Variants in NALF1 observed in about 807,000 individuals in gnomAD.
NALF1 encodes NALCN channel auxiliary factor 1.
Under a neutral mutation model 48.4 loss-of-function variants are expected in NALF1, and 3 were observed. The observed-to-expected ratio is 0.06, with a 90% CI of 0.03 to 0.16. NALF1 has a LOEUF of 0.16. Ranked by LOEUF, NALF1 falls within the 10% of genes least tolerant of loss-of-function variation. NALF1 has a pLI of 1.00. For missense variants in NALF1, 526 were observed against 571.5 expected (o/e 0.92, Z 0.81); for synonymous variants, 262 against 245.7 (o/e 1.07, Z -0.62).
chr13:107,675,836 T>C (rs1164179077), intron 1 of NALF1, among the ~76,000 whole-genome samples: 2 of 152,210 alleles, frequency 1.3e-5, no homozygotes, highest in Non-Finnish European at 2.9e-5. Context: ...ATGTCACTCA[T>C]ACATGGGGAT....
At chr13:107,820,424 G>A (rs1879331290) in intron 1 of NALF1, among the ~76,000 whole-genome samples, 1 of 152,082 alleles carries the variant, frequency 6.6e-6, no homozygotes, top group Non-Finnish European at 1.5e-5. Flanking sequence ...ATTTTCTTAG[G>A]ATGAAGTACC....
intron 1 of NALF1, among the ~76,000 whole-genome samples, chr13:107,514,220 T>A (rs1382051603): frequency 6.6e-6 from 1 of 152,232 alleles, no homozygotes; most frequent in African/African-American, 2.4e-5. Context: ...TAACCTTTTA[T>A]TTTCCTCTTC....
rs532792407 is a variant in NALF1, at chr13:107,589,108, A to C, written c.915+276574T>G. Among the ~76,000 whole-genome samples, 242 of 152,190 alleles carry C rather than the reference A, an allele frequency of 1.6e-3. 1 individual carries two copies. Among genetic ancestry groups the C allele is most frequent in the African/African-American group, 5.5e-3 (228 of 41,552 alleles). ...TCCTTATTTTTGAGGAGTAGCGTAT[A>C]CAATGAATTCTCAAGAAGTCAAGAA... On this transcript the variant is annotated intron_variant, in intron 1 of 2. Coordinates refer to ENST00000375915, the MANE Select transcript of NALF1 (RefSeq NM_001080396.3).
intron 1 of NALF1, among the ~76,000 whole-genome samples, chr13:107,571,969 G>A (rs1422049633): frequency 1.3e-5 from 2 of 152,112 alleles, no homozygotes; most frequent in African/African-American, 4.8e-5. Context: ...ATTGAGAAAC[G>A]TGTGTGTAGC....
In NALF1 at chr13:107,765,026, C is replaced by T. The variant is rs572889626; in HGVS notation, c.915+100656G>A. On this transcript the variant is annotated intron_variant, in intron 1 of 2. Coordinates refer to ENST00000375915, the MANE Select transcript of NALF1 (RefSeq NM_001080396.3). ...TTACAGCATCCTTGCTAAGTCCTCT[C>T]TAAAACAAGAGCTGCTCCTCACCCA... 6.6e-5 allele frequency among the ~76,000 whole-genome samples: 10 copies of T among 152,292 alleles called. No individual in the cohort carries two copies. In the East Asian group the frequency reaches 1.7e-3, roughly 26 times the overall value.
chr13:107,381,557 G>A (rs548252730), intron 1 of NALF1, among the ~76,000 whole-genome samples: 5 of 151,574 alleles, frequency 3.3e-5, no homozygotes, highest in East Asian at 1.9e-4. Flanking sequence ...CCTACGCACC[G>A]CCCCACCACC....
At chr13:107,741,220 C>G (rs1448183743) in intron 1 of NALF1, among the ~76,000 whole-genome samples, 1 of 152,178 alleles carries the variant, frequency 6.6e-6, no homozygotes, top group Non-Finnish European at 1.5e-5. Context: ...TAATTGGATT[C>G]TGGAATTCCA....
At position 107,556,949 on chromosome 13, in the gene NALF1, G is replaced by A. The variant is rs1056072467; in HGVS notation, c.915+308733C>T. 7.2e-5 allele frequency among the ~76,000 whole-genome samples: 11 copies of A among 152,154 alleles called. 1 individual carries two copies. The stretch of plus-strand genomic sequence containing the variant: ...AATTAATCTCCTAAGAGATGGAAGA[G>A]AAGCAAGTGTATTCAATACTACACA... On this transcript the variant is annotated intron_variant, in intron 1 of 2. Coordinates refer to ENST00000375915, the MANE Select transcript of NALF1 (RefSeq NM_001080396.3).
At chr13:107,783,315 G>A (rs1877975181) in intron 1 of NALF1, among the ~76,000 whole-genome samples, 1 of 149,898 alleles carries the variant, frequency 6.7e-6, no homozygotes, top group East Asian at 2.0e-4. Flanking sequence ...ACCCCTACTG[G>A]GAAGTGAGGA....
chr13:107,237,844 A>G (rs1327275298), intron 1 of NALF1, among the ~76,000 whole-genome samples: 1 of 152,178 alleles, frequency 6.6e-6, no homozygotes, highest in Non-Finnish European at 1.5e-5. Flanking sequence ...CAGTGAGTCA[A>G]TTGGACACAT....
chr13:107,284,783 G>A (rs9558994), intron 1 of NALF1, among the ~76,000 whole-genome samples: 32,806 of 152,146 alleles, frequency 0.22, 4,359 homozygotes, highest in Non-Finnish European at 0.29. Context: ...AGAGCATGAC[G>A]GCAGCTGCCT....
intron 1 of NALF1, among the ~76,000 whole-genome samples, chr13:107,535,733 G>C (rs758614474): frequency 2.0e-5 from 3 of 152,090 alleles, no homozygotes; most frequent in Non-Finnish European, 4.4e-5. Flanking sequence ...CTACTTTAAA[G>C]TTTATATGGA....
chr13:107,629,607 T>C (rs1879777191), intron 1 of NALF1, among the ~76,000 whole-genome samples: 1 of 152,174 alleles, frequency 6.6e-6, no homozygotes, highest in African/African-American at 2.4e-5. Flanking sequence ...ACCCTTCCAG[T>C]TGCTCTCTCT....
intron 1 of NALF1, among the ~76,000 whole-genome samples, chr13:107,518,112 G>C (rs1358032814): frequency 6.6e-6 from 1 of 152,170 alleles, no homozygotes; most frequent in African/African-American, 2.4e-5. Context: ...GAGATAAAAT[G>C]ATATAGTCAA....
intron 1 of NALF1, among the ~76,000 whole-genome samples, chr13:107,218,865 C>A (rs1425920496): frequency 6.6e-6 from 1 of 152,202 alleles, no homozygotes; most frequent in Non-Finnish European, 1.5e-5. Flanking sequence ...TAAACGGACA[C>A]ACTACTTTGG....
At chr13:107,432,771 C>CTATCTTCAT (rs1299560684) in intron 1 of NALF1, among the ~76,000 whole-genome samples, 4 of 152,148 alleles carry the variant, frequency 2.6e-5, no homozygotes, top group African/African-American at 9.7e-5. Context: ...GTTACCTATG[C>CTATCTTCAT]TATCTTCATT....
chr13:107,361,824 C>G (rs908322509), intron 1 of NALF1, among the ~76,000 whole-genome samples: 1 of 152,170 alleles, frequency 6.6e-6, no homozygotes, highest in Non-Finnish European at 1.5e-5. Context: ...GTCAGCTCTT[C>G]GCTGGTCTTC....
At chr13:107,334,374 A>C (rs1307956199) in intron 1 of NALF1, among the ~76,000 whole-genome samples, 1 of 152,172 alleles carries the variant, frequency 6.6e-6, no homozygotes, top group East Asian at 1.9e-4. Context: ...TTAGCTCTTC[A>C]GCTCAACCCT....
Position 107,420,234 on chromosome 13 carries a change from T to C in NALF1, c.916-209479A>G, listed in dbSNP as rs1884162317. ...TAGCAATAAAGATATTTTGCTAATT[T>C]TGAAAGACAAAACAAAAAGAGGAAG... On this transcript the variant is annotated intron_variant, in intron 1 of 2. Transcript: ENST00000375915. 3.3e-5 allele frequency among the ~76,000 whole-genome samples: 5 copies of C among 152,178 alleles called. 1 individual carries two copies. In the South Asian group the frequency reaches 1.0e-3, roughly 31 times the overall value.
Sources: allele counts gnomAD v4.1 joint callset (sites outside exome capture counted in the v4.1 genomes callset), GRCh38; gene constraint gnomAD v4.1.1; transcripts MANE v1.5; gene names NCBI Gene and HGNC (gene_info 2026-07-23, HGNC 2026-07-21).